The following GPHN variants were observed in gnomAD, a reference collection of about 807,000 sequenced individuals.
The protein encoded by GPHN is gephyrin.
Under a neutral mutation model 95.5 loss-of-function variants are expected in GPHN, and 17 were observed. The observed-to-expected ratio is 0.18, with a 90% confidence interval of 0.12 to 0.27. The LOEUF (loss-of-function observed/expected upper bound fraction) is 0.27. GPHN is among the 10% of genes least tolerant of loss of function. GPHN has a pLI of 1.00. For missense variants in GPHN, 660 were observed against 978.1 expected (o/e 0.67, Z 4.34); for synonymous variants, 320 against 322.5 (o/e 0.99, Z 0.08).
At chr14:67,609,143 ACT>A in the GPHN span, among the ~76,000 whole-genome samples, 1 of 147,390 alleles carries the variant, frequency 6.8e-6, no homozygotes, top group Non-Finnish European at 1.5e-5. Context: ...TTTTGTATAA[ACT>A]CTGTCTTTGC....
the GPHN span, among the ~76,000 whole-genome samples, chr14:67,212,820 C>A: frequency 6.6e-6 from 1 of 151,416 alleles, no homozygotes; most frequent in South Asian, 2.1e-4. Flanking sequence ...AGCCACAAAC[C>A]TTGAAATCAG....
At chr14:66,642,562 T>TTTG (rs1273584610) in intron 1 of GPHN, among the ~76,000 whole-genome samples, 1 of 151,322 alleles carries the variant, frequency 6.6e-6, no homozygotes, top group East Asian at 1.9e-4. Flanking sequence ...GATTTTTGTT[T>TTTG]TTTTTTTTTT....
intron 2 of GPHN, among the ~76,000 whole-genome samples, chr14:66,767,225 C>G (rs926647204): frequency 1.3e-5 from 2 of 151,784 alleles, no homozygotes; most frequent in African/African-American, 4.8e-5. Context: ...CTTAGTTAGT[C>G]CCCTCAGACT....
chr14:66,894,543 G>A (rs192544693), intron 5 of GPHN, among the ~76,000 whole-genome samples: 79 of 152,224 alleles, frequency 5.2e-4, no homozygotes, highest in African/African-American at 1.7e-3. Flanking sequence ...CTTCTGCAAA[G>A]CAAAAGAAAC....
chr14:66,643,054 C>G (rs1166180249), intron 1 of GPHN, among the ~76,000 whole-genome samples: 2 of 151,818 alleles, frequency 1.3e-5, no homozygotes, highest in East Asian at 3.9e-4. Flanking sequence ...ATACATATAT[C>G]CAACAAAGGA....
chr14:66,893,517 A>T (rs946164598), intron 5 of GPHN, among the ~76,000 whole-genome samples: 1 of 152,224 alleles, frequency 6.6e-6, no homozygotes, highest in African/African-American at 2.4e-5. Flanking sequence ...GGCCAGGGCA[A>T]TCAGGCAAGA....
the GPHN span, chr14:67,678,248 A>G: frequency 2.3e-4 from 235 of 1,023,532 alleles, 1 homozygote; most frequent in Non-Finnish European, 3.3e-4. Context: ...AAAACCTTGA[A>G]GGAGAATCAT....
the GPHN span, among the ~76,000 whole-genome samples, chr14:67,720,294 T>C: frequency 6.6e-6 from 1 of 152,222 alleles, no homozygotes; most frequent in Non-Finnish European, 1.5e-5. Context: ...TAGTCTCTTG[T>C]CTTCAAAGCC....
the GPHN span, chr14:67,316,960 A>G: frequency 1.4e-6 from 2 of 1,393,968 alleles, no homozygotes; most frequent in Non-Finnish European, 2.0e-6. Context: ...ATCTGGAGCC[A>G]TGTGTGAATC....
intron 17 of GPHN, among the ~76,000 whole-genome samples, chr14:67,134,862 C>CT (rs1567383555): frequency 7.0e-6 from 1 of 142,804 alleles, no homozygotes; most frequent in African/African-American, 2.6e-5. Flanking sequence ...CTTTCTCTTT[C>CT]TTTTTTAATT....
At chr14:66,686,223 A>G (rs1413917045) in intron 2 of GPHN, among the ~76,000 whole-genome samples, 2 of 152,116 alleles carry the variant, frequency 1.3e-5, no homozygotes, top group African/African-American at 2.4e-5. Context: ...TTGACTTGGC[A>G]ATGTGGGCTC....
At chr14:66,517,538 A>G (rs2139764924) in intron 1 of GPHN, among the ~76,000 whole-genome samples, 1 of 152,362 alleles carries the variant, frequency 6.6e-6, no homozygotes, top group South Asian at 2.1e-4. Context: ...CAGACTTTAA[A>G]ATATACTACA....
chr14:67,048,105 C>T (rs957703716), intron 10 of GPHN, among the ~76,000 whole-genome samples: 1 of 152,174 alleles, frequency 6.6e-6, no homozygotes, highest in Non-Finnish European at 1.5e-5. Context: ...TAACAAAGAT[C>T]CATATTGTTA....
chr14:66,713,492 T>A (rs2069868194), intron 2 of GPHN, among the ~76,000 whole-genome samples: 2 of 152,346 alleles, frequency 1.3e-5, no homozygotes, highest in Middle Eastern at 3.4e-3. Flanking sequence ...TTGGCCCGTG[T>A]GCCTATTTTT....
intron 6 of GPHN, 129 bp downstream of exon 6, chr14:66,916,198 A>C (rs568239278): frequency 4.2e-6 from 3 of 708,700 alleles, no homozygotes; most frequent in African/African-American, 1.8e-5. Context: ...AGGATTCCCA[A>C]AGTCACTCTT....
intron 1 of GPHN, among the ~76,000 whole-genome samples, chr14:66,613,104 A>G (rs1171646386): frequency 6.6e-6 from 1 of 152,046 alleles, no homozygotes; most frequent in African/African-American, 2.4e-5. Flanking sequence ...TTGAATACTG[A>G]ACCATTGCTT....
chr14:66,508,884 T>C (rs2057905888), intron 1 of GPHN, among the ~76,000 whole-genome samples: 1 of 152,094 alleles, frequency 6.6e-6, no homozygotes, highest in South Asian at 2.1e-4. Context: ...CGGAGGGCGC[T>C]GCGGGGCTCC....
the GPHN span, chr14:67,581,070 C>A: frequency 7.2e-7 from 1 of 1,392,164 alleles, no homozygotes; most frequent in Non-Finnish European, 1.0e-6. Flanking sequence ...TGGGGCCAAA[C>A]ACAAGGGCTG....
chr14:67,220,317 C>T, the GPHN span, among the ~76,000 whole-genome samples: 1 of 152,100 alleles, frequency 6.6e-6, no homozygotes, highest in Non-Finnish European at 1.5e-5. Context: ...GTAGTGCACA[C>T]CTGAGGTCCC....
Sources: gnomAD v4.1 joint callset for allele counts (sites outside exome capture counted in the v4.1 genomes callset) on GRCh38, gnomAD v4.1.1 for gene constraint, MANE v1.5 for transcripts, NCBI Gene and HGNC (gene_info 2026-07-23, HGNC 2026-07-21) for gene names.